Variants in DPY30 observed in about 807,000 individuals in gnomAD.
The protein encoded by DPY30 is protein dpy-30 homolog.
A neutral mutation model predicts 16.2 loss-of-function variants in DPY30; 6 were observed. That is an observed-to-expected ratio of 0.37 (90% CI 0.20 to 0.73). The LOEUF (loss-of-function observed/expected upper bound fraction) is 0.73. DPY30 is among the 30% of genes least tolerant of loss of function. The pLI is 0.51. For missense variants in DPY30, 73 were observed against 113.1 expected (o/e 0.65, Z 1.61); for synonymous variants, 39 against 38.8 (o/e 1.00, Z -0.02).
intron 3 of DPY30, among the ~76,000 whole-genome samples, chr2:32,037,354 G>A (rs111730374): frequency 0.014 from 2,134 of 152,164 alleles, 24 homozygotes; most frequent in Non-Finnish European, 0.021. Flanking sequence ...ACTCAGGATG[G>A]TGTGCAGTGG....
chr2:32,017,248 C>A (rs1675083248), intron 5 of DPY30, among the ~76,000 whole-genome samples: 1 of 152,166 alleles, frequency 6.6e-6, no homozygotes. Context: ...GTGATGCTCT[C>A]CATTACCTCA....
intron 3 of DPY30, among the ~76,000 whole-genome samples, chr2:32,036,246 G>A (rs926967486): frequency 9.9e-5 from 15 of 151,946 alleles, no homozygotes. Context: ...CCAACGGGCT[G>A]GGATTACAGG....
intron 5 of DPY30, among the ~76,000 whole-genome samples, chr2:32,016,909 G>GT (rs1675076406): frequency 6.6e-6 from 1 of 152,074 alleles, no homozygotes. Flanking sequence ...TTGAGACAGA[G>GT]TGTCATTCTG....
chr2:32,030,930 G>A (rs1675515769), intron 3 of DPY30, among the ~76,000 whole-genome samples: 1 of 152,056 alleles, frequency 6.6e-6, no homozygotes, highest in Non-Finnish European at 1.5e-5. Context: ...AATGAATGAA[G>A]TTTTCCCCAT....
At chr2:32,034,324 C>T (rs569141130) in intron 3 of DPY30, among the ~76,000 whole-genome samples, 1 of 152,258 alleles carries the variant, frequency 6.6e-6, no homozygotes, top group African/African-American at 2.4e-5. Flanking sequence ...ACAAGCATGG[C>T]GCCAGCATCT....
At chr2:32,019,294 A>G (rs560115982), downstream of DPY30, among the ~76,000 whole-genome samples, 1 of 152,202 alleles carries the variant, frequency 6.6e-6, no homozygotes, top group South Asian at 2.1e-4. Context: ...TAGCTAGATC[A>G]GTGGGACTAG....
chr2:32,013,869 G>A (rs1289903690), intron 5 of DPY30, among the ~76,000 whole-genome samples: 7 of 152,104 alleles, frequency 4.6e-5, no homozygotes, highest in African/African-American at 9.7e-5. Context: ...TTAGCCAGGC[G>A]TGGTGGCAGG....
downstream of DPY30, among the ~76,000 whole-genome samples, chr2:32,019,143 G>C (rs1037904194): frequency 3.3e-5 from 5 of 151,976 alleles, no homozygotes; most frequent in African/African-American, 4.8e-5. Flanking sequence ...ACCCAGGCTG[G>C]AGTGCAGTGG....
chr2:32,023,860 C>G (rs567742953), downstream of DPY30: 1 of 1,316,806 alleles, frequency 7.6e-7, no homozygotes, highest in South Asian at 1.3e-5. Context: ...ACAATTCAAT[C>G]ATGTAAAATA....
In DPY30 at chr2:32,029,639, A is replaced by G; in HGVS notation, c.182T>C (p.Val61Ala). The change falls in exon 4 of 5, where the codon GTT becomes GCT. Residue 61 changes from valine (V) to alanine (A), a missense_variant. By Grantham distance (64) the Val-to-Ala change is moderately conservative. This residue lies in a region of DPY30 where 52 missense variants were observed against 71.5 expected (regional missense o/e 0.73). Transcript: ENST00000342166. ...LPTRAYLDQT[V>A]VPILLQGLAV... ...AAGTCCCTGTAATAAGATAGGCACA[A>G]CTGTCTGATCCAGGTAGGCACGAGT... The G allele has an allele frequency of 3.1e-6, 5 of 1,613,846 alleles. No homozygotes were observed. Among genetic ancestry groups the G allele is most frequent in the Non-Finnish European group, 4.2e-6 (5 of 1,180,004 alleles).
Position 32,024,910 on chromosome 2 carries a change from AAACT to A in DPY30, c.228-658_228-655del, listed in dbSNP as rs138916295. ...ACCTAAGAAGATAAACACATTTATA[AAACT>A]AACAGCAGATATTTGATATTAACAC... is the stretch of plus-strand genomic sequence containing the variant. On this transcript the variant is annotated intron_variant, in intron 4 of 4. Coordinates refer to ENST00000342166, the MANE Select transcript of DPY30 (RefSeq NM_001321209.2). Among the ~76,000 whole-genome samples the A allele has an allele frequency of 3.4e-3, 512 of 152,356 alleles. 2 individuals carry two copies. The highest frequency in any genetic ancestry group is 4.9e-3 in the Non-Finnish European group (331 of 68,034).
chr2:32,022,070 G>A (rs1675196966), downstream of DPY30, among the ~76,000 whole-genome samples: 1 of 151,990 alleles, frequency 6.6e-6, no homozygotes, highest in Non-Finnish European at 1.5e-5. Context: ...ATTCGCTGGG[G>A]ACAGTGGCAT....
At chr2:32,022,972 C>G (rs1448626786), downstream of DPY30, among the ~76,000 whole-genome samples, 1 of 152,032 alleles carries the variant, frequency 6.6e-6, no homozygotes, top group Non-Finnish European at 1.5e-5. Flanking sequence ...TACAGGCTAT[C>G]CTATTCATTG....
downstream of DPY30, among the ~76,000 whole-genome samples, chr2:32,022,035 C>T (rs961442277): frequency 1.3e-5 from 2 of 151,982 alleles, no homozygotes; most frequent in Non-Finnish European, 2.9e-5. Flanking sequence ...CATAGTGAAA[C>T]CCCGTCTCTA....
chr2:32,034,472 C>G (rs1317830972), intron 3 of DPY30, among the ~76,000 whole-genome samples: 1 of 152,088 alleles, frequency 6.6e-6, no homozygotes, highest in African/African-American at 2.4e-5. Context: ...CTCACGGTAA[C>G]TAATAGAGTA....
chr2:32,036,850 C>A (rs912395818), intron 3 of DPY30, among the ~76,000 whole-genome samples: 20 of 151,934 alleles, frequency 1.3e-4, no homozygotes, highest in Non-Finnish European at 2.8e-4. Flanking sequence ...GCCTGGGAGA[C>A]AGAGCGAGAC....
In DPY30 at chr2:32,033,257, G is replaced by A. The variant is rs560524027; in HGVS notation, c.85-3521C>T. On this transcript the variant is annotated intron_variant, in intron 3 of 4. Coordinates refer to ENST00000342166, the MANE Select transcript of DPY30 (RefSeq NM_001321209.2). The stretch of plus-strand genomic sequence containing the variant: ...TGGGAGATGGAGGTTGCAGTGAGCC[G>A]AGATCGCACCGTTGCACTCCAGCCT... Among the ~76,000 whole-genome samples, 156 of 151,692 alleles carry A rather than the reference G, an allele frequency of 1.0e-3. 1 individual carries two copies. Among genetic ancestry groups the A allele is most frequent in the Non-Finnish European group, 1.3e-3 (87 of 67,902 alleles).
intron 5 of DPY30, among the ~76,000 whole-genome samples, chr2:32,014,944 GGAATACTTCTA>G (rs928718255): frequency 6.6e-6 from 1 of 152,108 alleles, no homozygotes; most frequent in African/African-American, 2.4e-5. Context: ...GCATATGCAT[GGAATACTTCTA>G]GAAGGTAATC....
At chr2:32,012,230 G>C (rs1674952753) in intron 5 of DPY30, among the ~76,000 whole-genome samples, 1 of 151,816 alleles carries the variant, frequency 6.6e-6, no homozygotes. Context: ...ATTTTGTGCA[G>C]TATCCCTGTC....
Sources: allele counts gnomAD v4.1 joint callset (sites outside exome capture counted in the v4.1 genomes callset), GRCh38; gene constraint gnomAD v4.1.1; regional missense constraint gnomAD v4.1.1; transcripts MANE v1.5; gene names NCBI Gene and HGNC (gene_info 2026-07-23, HGNC 2026-07-21).